Variants in PIGZ observed in about 807,000 individuals in gnomAD.
PIGZ encodes phosphatidylinositol glycan anchor biosynthesis class Z (Gwada blood group).
Under a neutral mutation model 16.4 loss-of-function variants are expected in PIGZ, and 16 were observed. That is an observed-to-expected ratio of 0.97 (90% confidence interval 0.66 to 1.48). The LOEUF (loss-of-function observed/expected upper bound fraction) is 1.48. Ranked by LOEUF, PIGZ falls within the 40% of genes most tolerant of loss-of-function variation. The pLI is 0.00. For missense variants in PIGZ, 770 were observed against 739.2 expected (o/e 1.04, Z -0.48); for synonymous variants, 409 against 338.4 (o/e 1.21, Z -2.29).
chr3:196,967,020 C>T (rs542458202), intron 1 of PIGZ, among the ~76,000 whole-genome samples: 1 of 151,950 alleles, frequency 6.6e-6, no homozygotes, highest in East Asian at 1.9e-4. Flanking sequence ...GCATCCCGCG[C>T]GCCTGTGTGG....
chr3:196,950,744 C>CTTTTTTTTTTTTT (rs35150164), intron 2 of PIGZ, among the ~76,000 whole-genome samples: 3 of 145,602 alleles, frequency 2.1e-5, no homozygotes, highest in Non-Finnish European at 3.0e-5. Context: ...CTTCATTAGA[C>CTTTTTTTTTTTTT]TTTTTTTTTT....
chr3:196,947,277 A>G lies in PIGZ; in HGVS notation c.1620T>C (p.Asn540=), dbSNP rs777784591. The change falls in exon 3 of 3, where the codon AAT becomes AAC. Residue 540 remains asparagine, a synonymous_variant. Coordinates refer to ENST00000412723, the MANE Select transcript of PIGZ (RefSeq NM_025163.4). ...AVEKCSFPFK[N]ETLLFPHLTL... ...TCAGATGGGGAAATAAAAGTGTTTC[A>G]TTCTTGAAGGGGAAGCTGCACTTCT... 6.2e-7 allele frequency: 1 copy of G among 1,614,084 alleles called. No individual in the cohort carries two copies. Among genetic ancestry groups the G allele is most frequent in the South Asian group, 1.1e-5 (1 of 91,054 alleles).
At chr3:196,968,061 C>T (rs1718002762) in intron 1 of PIGZ, among the ~76,000 whole-genome samples, 2 of 152,242 alleles carry the variant, frequency 1.3e-5, no homozygotes, top group African/African-American at 2.4e-5. Flanking sequence ...GTGAGTCCCA[C>T]GCAAAGACCC....
rs1317904937 is a variant in PIGZ, at chr3:196,948,920, C to T, written c.212-235G>A. Among the ~76,000 whole-genome samples the T allele has an allele frequency of 1.2e-3, 51 of 43,460 alleles. 7 individuals are homozygous for T. Among genetic ancestry groups the T allele is most frequent in the African/African-American group, 6.0e-3 (49 of 8,106 alleles). The allele number at this position is 43,460 out of a possible 152,430, so 28.5% of individuals were successfully genotyped here. A position where few individuals can be genotyped will look rare whatever the true frequency, so the allele number is the denominator to read the frequency against. On this transcript the variant is annotated intron_variant, in intron 2 of 2. Transcript: ENST00000412723. ...CTTCCCTTCCCCTCCCCTCCCTTCC[C>T]TTCCTTCCCTTTACTTCCCTTCCTT...
rs749304329 is a variant in PIGZ at position 196,947,287 on chromosome 3, G to A, written c.1610C>T (p.Pro537Leu). 1 of 1,614,152 alleles carries A rather than the reference G, an allele frequency of 6.2e-7. No homozygotes were observed. The highest frequency in any genetic ancestry group is 2.2e-5 in the East Asian group (1 of 44,896). The change falls in exon 3 of 3, where the codon CCC becomes CTC. Residue 537 changes from proline to leucine, a missense_variant. Transcript: ENST00000412723. Reference protein sequence around the residue: ...TRRAVEKCSFPFKNETLLFPH... With the variant: ...TRRAVEKCSFLFKNETLLFPH... ...AAATAAAAGTGTTTCATTCTTGAAG[G>A]GGAAGCTGCACTTCTCCACGGCACG...
At chr3:196,948,923 CCTTCCCTTTACTTCCCTT>C (rs1223837956) in intron 2 of PIGZ, among the ~76,000 whole-genome samples, 5 of 39,888 alleles carry the variant, frequency 1.3e-4, no homozygotes, top group Admixed American at 2.6e-4. Context: ...CCCTTCCCTT[CCTTCCCTTTACTTCCCTT>C]CCTTCCCCTC....
At position 196,947,888 on chromosome 3, in the gene PIGZ, C is replaced by T. The variant is rs1389965946; in HGVS notation, c.1009G>A (p.Ala337Thr). 6.2e-7 allele frequency: 1 copy of T among 1,613,972 alleles called. No individual in the cohort carries two copies. Among genetic ancestry groups the T allele is most frequent in the African/African-American group, 1.3e-5 (1 of 75,054 alleles). ...AGGCCGACTTGCAGCCGTTGCCACGCAGCCTGCAGGGCCTGGGCATGCAGC... is the reference window on the plus strand; with the variant it reads ...AGGCCGACTTGCAGCCGTTGCCACGTAGCCTGCAGGGCCTGGGCATGCAGC... ...GVLHAQALQAAWQRLQVGLQA... is the reference protein window; with the variant it reads ...GVLHAQALQATWQRLQVGLQA... Residue 337 changes from alanine (A) to threonine (T), a missense_variant, in exon 3 of 3, where the codon GCG becomes ACG. Transcript: ENST00000412723.
At chr3:196,949,236 T>G (rs1264231763) in intron 2 of PIGZ, among the ~76,000 whole-genome samples, 3 of 151,890 alleles carry the variant, frequency 2.0e-5, no homozygotes, top group African/African-American at 7.3e-5. Context: ...GCCCGCAGGA[T>G]GGACTGTATC....
chr3:196,962,233 T>C (rs1199464489), intron 1 of PIGZ, among the ~76,000 whole-genome samples: 2 of 152,218 alleles, frequency 1.3e-5, no homozygotes, highest in African/African-American at 4.8e-5. Context: ...GATTTAGGGC[T>C]GTGCAGGATG....
Position 196,947,547 on chromosome 3 carries a change from C to T in PIGZ, c.1350G>A (p.Val450=). The T allele has an allele frequency of 6.2e-7, 1 of 1,613,718 alleles. No individual in the cohort carries two copies. The highest frequency in any genetic ancestry group is 8.5e-7 in the Non-Finnish European group (1 of 1,179,982). ...EYLEQVVHAP[V]LPSTPTHYTL... is the part of the protein sequence containing the mutation. The stretch of plus-strand genomic sequence containing the variant: ...TGTAGTGGGTGGGTGTGCTTGGGAG[C>T]ACAGGGGCATGGACCACCTGCTCCA... Residue 450 remains valine (V), a synonymous_variant, in exon 3 of 3, where the codon GTG becomes GTA. Coordinates refer to ENST00000412723, the MANE Select transcript of PIGZ (RefSeq NM_025163.4).
At position 196,954,872 on chromosome 3, in the gene PIGZ, G is replaced by C. The variant is rs139263681; in HGVS notation, c.1-2841C>G. ...GAACACCATACATTCTATACTTACTGGATATGGAGTTCTATAAGTTGTCAT... is the reference window on the plus strand; with the variant it reads ...GAACACCATACATTCTATACTTACTCGATATGGAGTTCTATAAGTTGTCAT... On this transcript the variant is annotated intron_variant, in intron 1 of 2. Coordinates refer to ENST00000412723, the MANE Select transcript of PIGZ (RefSeq NM_025163.4). 2.1e-3 allele frequency among the ~76,000 whole-genome samples: 324 copies of C among 152,210 alleles called. 1 individual carries two copies. Among genetic ancestry groups the C allele is most frequent in the Non-Finnish European group, 3.7e-3 (249 of 68,016 alleles).
intron 1 of PIGZ, among the ~76,000 whole-genome samples, chr3:196,956,168 A>T (rs1577891449): frequency 6.6e-6 from 1 of 152,134 alleles, no homozygotes; most frequent in South Asian, 2.1e-4. Context: ...GGCTTCTCGA[A>T]CCTGTGGATT....
intron 1 of PIGZ, among the ~76,000 whole-genome samples, chr3:196,958,732 T>C (rs924022810): frequency 6.6e-6 from 1 of 152,174 alleles, no homozygotes; most frequent in Non-Finnish European, 1.5e-5. Context: ...TATTCTTATA[T>C]ATCTACACTT....
chr3:196,949,022 T>TTCCTTCCCTTCCCCTCCCC (rs1717141009), intron 2 of PIGZ, among the ~76,000 whole-genome samples: 1 of 52,074 alleles, frequency 1.9e-5, no homozygotes, highest in African/African-American at 1.7e-4. Flanking sequence ...CTCCCCTCCC[T>TTCCTTCCCTTCCCCTCCCC]TCCCTTCCTT....
At chr3:196,956,372 A>G (rs980604398) in intron 1 of PIGZ, among the ~76,000 whole-genome samples, 2 of 152,204 alleles carry the variant, frequency 1.3e-5, no homozygotes, top group Non-Finnish European at 2.9e-5. Context: ...AAAGCGAATG[A>G]GAAGCAAACG....
At chr3:196,949,415 T>G (rs1030641815) in intron 2 of PIGZ, among the ~76,000 whole-genome samples, 1 of 152,174 alleles carries the variant, frequency 6.6e-6, no homozygotes, top group Admixed American at 6.5e-5. Flanking sequence ...ACTGCTGGCT[T>G]CAAGACGGAA....
Position 196,948,832 on chromosome 3 carries a change from TC to T in PIGZ, c.212-148del, listed in dbSNP as rs1560180521. On this transcript the variant is annotated intron_variant, in intron 2 of 2. Transcript: ENST00000412723. ...TGCACGGGCTGGATTTTTCCTCCCTTCCCTCCCTCTCTCCCTCCTTCTTTCC... is the reference window on the plus strand; with the variant it reads ...TGCACGGGCTGGATTTTTCCTCCCTTCCTCCCTCTCTCCCTCCTTCTTTCC... The T allele has an allele frequency of 2.5e-4, 101 of 410,518 alleles. 2 individuals carry two copies. The highest frequency in any genetic ancestry group is 2.3e-3 in the African/African-American group (79 of 33,762). The allele number at this position is 410,518 out of a possible 1,614,324, so 25.4% of individuals were successfully genotyped here.
intron 2 of PIGZ, among the ~76,000 whole-genome samples, chr3:196,948,889 C>T (rs1377299883): frequency 8.1e-5 from 1 of 12,402 alleles, no homozygotes; most frequent in South Asian, 1.7e-3. Flanking sequence ...CCCTTCCTTC[C>T]CCTTCCTTCC....
chr3:196,948,973 C>CTTCCCTTCCCTTCCTTCCCT (rs1560181336), intron 2 of PIGZ, among the ~76,000 whole-genome samples: 256 of 17,324 alleles, frequency 0.015, 47 homozygotes, highest in Middle Eastern at 0.028. Flanking sequence ...TTCCCTTCCC[C>CTTCCCTTCCCTTCCTTCCCT]TCCCCTCCCT....
Sources: allele counts gnomAD v4.1 joint callset (sites outside exome capture counted in the v4.1 genomes callset), GRCh38; gene constraint gnomAD v4.1.1; transcripts MANE v1.5; gene names NCBI Gene and HGNC (gene_info 2026-07-23, HGNC 2026-07-21).